The following SLC25A26 variants were observed in gnomAD, a reference collection of about 807,000 sequenced individuals.
SLC25A26 encodes the protein solute carrier family 25 member 26.
A neutral mutation model predicts 37.8 loss-of-function variants in SLC25A26; 36 were observed. The observed-to-expected ratio is 0.95, with a 90% CI of 0.73 to 1.26. The LOEUF is 1.26. SLC25A26 is among the 50% of genes most tolerant of loss of function. SLC25A26 has a pLI of 0.00. For missense variants in SLC25A26, 390 were observed against 331.1 expected (o/e 1.18, Z -1.38); for synonymous variants, 129 against 122.5 (o/e 1.05, Z -0.35).
At chr3:66,282,149 C>T (rs1345934875) in intron 5 of SLC25A26, among the ~76,000 whole-genome samples, 2 of 151,790 alleles carry the variant, frequency 1.3e-5, no homozygotes, top group African/African-American at 2.4e-5. Flanking sequence ...GTAGCTGGGA[C>T]TACAGGCGCC....
chr3:66,237,941 G>A (rs2072375422), intron 2 of SLC25A26, among the ~76,000 whole-genome samples: 1 of 152,180 alleles, frequency 6.6e-6, no homozygotes, highest in Admixed American at 6.5e-5. Flanking sequence ...AGTGCAAAGA[G>A]AAAAACAGTA....
intron 4 of SLC25A26, among the ~76,000 whole-genome samples, chr3:66,262,877 A>G (rs1170614408): frequency 2.6e-5 from 4 of 152,214 alleles, no homozygotes; most frequent in Non-Finnish European, 5.9e-5. Flanking sequence ...TTATGAATGA[A>G]TTTCTGATGT....
intron 1 of SLC25A26, among the ~76,000 whole-genome samples, chr3:66,181,235 G>C (rs1282030041): frequency 6.6e-6 from 1 of 152,196 alleles, no homozygotes; most frequent in Non-Finnish European, 1.5e-5. Flanking sequence ...TACATATTAA[G>C]GCCTAGCAGG....
At chr3:66,193,713 C>T (rs1054154110) in intron 1 of SLC25A26, among the ~76,000 whole-genome samples, 70 of 152,054 alleles carry the variant, frequency 4.6e-4, no homozygotes, top group Middle Eastern at 3.4e-3. Context: ...AGATGCTTTG[C>T]TATTACCTAA....
At chr3:66,312,629 G>T (rs971216441) in intron 5 of SLC25A26, among the ~76,000 whole-genome samples, 13 of 152,118 alleles carry the variant, frequency 8.5e-5, no homozygotes, top group Non-Finnish European at 2.9e-5. Context: ...CCCTGGTGGC[G>T]TAGGCACTAG....
chr3:66,253,022 T>TG (rs2073145654), intron 3 of SLC25A26, among the ~76,000 whole-genome samples: 1 of 48,478 alleles, frequency 2.1e-5, no homozygotes, highest in Non-Finnish European at 4.2e-5. Flanking sequence ...GGCAAAATAA[T>TG]GCCCCCCCCC....
chr3:66,288,618 G>C (rs1328507465), intron 5 of SLC25A26, among the ~76,000 whole-genome samples: 2 of 151,972 alleles, frequency 1.3e-5, no homozygotes, highest in African/African-American at 4.8e-5. Context: ...AGAATGATGG[G>C]TTCCAACTTC....
intron 5 of SLC25A26, among the ~76,000 whole-genome samples, chr3:66,335,991 C>T (rs1308652826): frequency 6.6e-6 from 1 of 152,098 alleles, no homozygotes; most frequent in Non-Finnish European, 1.5e-5. Flanking sequence ...CCTTAACCAC[C>T]CAACAAGCTG....
intron 5 of SLC25A26, among the ~76,000 whole-genome samples, chr3:66,264,050 C>T (rs570394500): frequency 1.3e-5 from 2 of 152,214 alleles, no homozygotes; most frequent in African/African-American, 4.8e-5. Flanking sequence ...GAGGCCGAGG[C>T]AGAAAGATCA....
rs573448946 is a variant in SLC25A26 at position 66,286,058 on chromosome 3, C to T, written c.453+22679C>T. ...AGTCTTTTTCTCATTTTTAATTGTACGGTTTCTTTGGGAGTTTCGAAAGTT... is the reference window on the plus strand; with the variant it reads ...AGTCTTTTTCTCATTTTTAATTGTATGGTTTCTTTGGGAGTTTCGAAAGTT... On this transcript the variant is annotated intron_variant, in intron 5 of 9. Coordinates refer to ENST00000354883, the MANE Select transcript of SLC25A26 (RefSeq NM_001379210.1). Among the ~76,000 whole-genome samples, 20 of 152,120 alleles carry T rather than the reference C, an allele frequency of 1.3e-4. No homozygotes were observed. The East Asian group carries it at 1.5e-3, about 12-fold the overall frequency.
At chr3:66,175,146 C>CATATATAT (rs2070566554) in intron 1 of SLC25A26, among the ~76,000 whole-genome samples, 1 of 67,844 alleles carries the variant, frequency 1.5e-5, no homozygotes, top group African/African-American at 6.2e-5. Context: ...TATATACACA[C>CATATATAT]ACACACACAC....
At chr3:66,376,098 G>A (rs75687298) in intron 9 of SLC25A26, among the ~76,000 whole-genome samples, 2,478 of 150,500 alleles carry the variant, frequency 0.016, 73 homozygotes, top group African/African-American at 0.058. Flanking sequence ...CAGAAGTGGA[G>A]CCTGAAGATG....
intron 5 of SLC25A26, among the ~76,000 whole-genome samples, chr3:66,346,053 G>T (rs922769974): frequency 1.3e-5 from 2 of 152,100 alleles, no homozygotes; most frequent in Non-Finnish European, 2.9e-5. Context: ...AAATTAGCTG[G>T]GTGTGGTGGC....
intron 6 of SLC25A26, among the ~76,000 whole-genome samples, chr3:66,359,071 A>G (rs1311241649): frequency 2.0e-5 from 3 of 152,130 alleles, no homozygotes; most frequent in Admixed American, 6.5e-5. Context: ...TTATTTCTTT[A>G]TGTGTTTTTT....
intron 5 of SLC25A26, among the ~76,000 whole-genome samples, chr3:66,306,696 CCT>C (rs2075233196): frequency 6.6e-6 from 1 of 152,140 alleles, no homozygotes; most frequent in Non-Finnish European, 1.5e-5. Context: ...GAGATGTTCC[CCT>C]CCCTGGGTCC....
At chr3:66,197,372 C>T (rs2071059002) in intron 1 of SLC25A26, among the ~76,000 whole-genome samples, 1 of 151,948 alleles carries the variant, frequency 6.6e-6, no homozygotes, top group Non-Finnish European at 1.5e-5. Context: ...TGGTGAAATT[C>T]AGAGTAAGTT....
chr3:66,374,433 G>A (rs1700521817), intron 9 of SLC25A26, among the ~76,000 whole-genome samples: 1 of 152,154 alleles, frequency 6.6e-6, no homozygotes, highest in East Asian at 1.9e-4. Flanking sequence ...GACAAATGTG[G>A]TGTGGGTTCG....
intron 5 of SLC25A26, among the ~76,000 whole-genome samples, chr3:66,283,013 G>A (rs150030325): frequency 6.6e-6 from 1 of 152,174 alleles, no homozygotes; most frequent in Non-Finnish European, 1.5e-5. Flanking sequence ...GTTATTGCAT[G>A]TATCAATAGT....
chr3:66,222,229 G>A (rs1298809713), intron 1 of SLC25A26, among the ~76,000 whole-genome samples: 1 of 149,850 alleles, frequency 6.7e-6, no homozygotes, highest in Non-Finnish European at 1.5e-5. Context: ...CGCCCAGGCT[G>A]GAGTGTGGTG....
Sources: gnomAD v4.1 joint callset for allele counts (sites outside exome capture counted in the v4.1 genomes callset) on GRCh38, gnomAD v4.1.1 for gene constraint, MANE v1.5 for transcripts, NCBI Gene and HGNC (gene_info 2026-07-23, HGNC 2026-07-21) for gene names.